The following EFNA5 variants were observed in gnomAD, a reference collection of about 807,000 sequenced individuals.
EFNA5 encodes ephrin-A5.
In EFNA5, 5 loss-of-function variants were observed where a neutral mutation model predicts 22.9. The observed-to-expected ratio is 0.22, with a 90% CI of 0.11 to 0.46. The LOEUF (loss-of-function observed/expected upper bound fraction) is 0.46. Ranked by LOEUF, EFNA5 falls within the 20% of genes least tolerant of loss-of-function variation. The pLI is 0.99. For missense variants in EFNA5, 237 were observed against 293.3 expected, an observed-to-expected ratio of 0.81 and a Z score of 1.40; for synonymous variants, 113 against 112.2, an observed-to-expected ratio of 1.01 and a Z score of -0.04.
intron 2 of EFNA5, among the ~76,000 whole-genome samples, chr5:107,397,969 A>G (rs1427075303): frequency 6.6e-6 from 1 of 152,182 alleles, no homozygotes; most frequent in Non-Finnish European, 1.5e-5. Flanking sequence ...CCCATTCGTC[A>G]TACCACAGAA....
At chr5:107,452,143 A>G (rs770571825) in intron 1 of EFNA5, among the ~76,000 whole-genome samples, 6 of 152,110 alleles carry the variant, frequency 3.9e-5, no homozygotes, top group Non-Finnish European at 5.9e-5. Flanking sequence ...ATTCTCACTC[A>G]TAAGTAGGAG....
At chr5:107,531,543 G>A (rs1204580039) in intron 1 of EFNA5, among the ~76,000 whole-genome samples, 1 of 152,148 alleles carries the variant, frequency 6.6e-6, no homozygotes, top group Admixed American at 6.6e-5. Context: ...CTTTCTCTGT[G>A]CCACCCTAGA....
chr5:107,650,940 T>G (rs1437186311), intron 1 of EFNA5, among the ~76,000 whole-genome samples: 2 of 152,240 alleles, frequency 1.3e-5, no homozygotes, highest in Admixed American at 6.5e-5. Context: ...GTTATACTAG[T>G]TATTTGTAGT....
At chr5:107,547,670 T>C (rs1461257352) in intron 1 of EFNA5, among the ~76,000 whole-genome samples, 2 of 150,444 alleles carry the variant, frequency 1.3e-5, no homozygotes, top group African/African-American at 4.9e-5. Context: ...AGATTATACA[T>C]TTACATGAAG....
At chr5:107,393,680 A>G (rs1463875104) in intron 2 of EFNA5, among the ~76,000 whole-genome samples, 2 of 152,250 alleles carry the variant, frequency 1.3e-5, no homozygotes, top group Non-Finnish European at 2.9e-5. Flanking sequence ...ATTAGCTGTT[A>G]GCACGGCCCA....
chr5:107,564,380 G>C (rs1748615945), intron 1 of EFNA5, among the ~76,000 whole-genome samples: 1 of 152,140 alleles, frequency 6.6e-6, no homozygotes, highest in Non-Finnish European at 1.5e-5. Flanking sequence ...CCAACATGGG[G>C]CTTCCTCTTT....
chr5:107,524,311 G>A (rs1007939135), intron 1 of EFNA5, among the ~76,000 whole-genome samples: 2 of 152,206 alleles, frequency 1.3e-5, no homozygotes, highest in African/African-American at 4.8e-5. Flanking sequence ...TAGGAGCAAT[G>A]AGGGAGGGAT....
chr5:107,410,252 G>A (rs534123897), intron 2 of EFNA5, among the ~76,000 whole-genome samples: 3 of 152,020 alleles, frequency 2.0e-5, no homozygotes, highest in Non-Finnish European at 2.9e-5. Context: ...GGATGGTCTC[G>A]ATCTCCTGAT....
intron 1 of EFNA5, among the ~76,000 whole-genome samples, chr5:107,453,942 TGTGA>T (rs911760402): frequency 2.3e-4 from 23 of 98,014 alleles, no homozygotes; most frequent in South Asian, 1.2e-3. Flanking sequence ...ACTGAAGGAG[TGTGA>T]GTGTGTGTGT....
At chr5:107,636,635 T>A (rs1322111863) in intron 1 of EFNA5, among the ~76,000 whole-genome samples, 4 of 152,242 alleles carry the variant, frequency 2.6e-5, no homozygotes, top group Non-Finnish European at 5.9e-5. Flanking sequence ...ATAGCTAACA[T>A]AACTTGGAAT....
intron 1 of EFNA5, among the ~76,000 whole-genome samples, chr5:107,428,965 A>G (rs558144788): frequency 6.6e-6 from 1 of 152,342 alleles, no homozygotes; most frequent in Admixed American, 6.5e-5. Context: ...TTCTGCAGAC[A>G]TTTGAAAATC....
intron 4 of EFNA5, among the ~76,000 whole-genome samples, chr5:107,383,009 T>C (rs1393852908): frequency 1.3e-5 from 2 of 152,210 alleles, no homozygotes; most frequent in South Asian, 2.1e-4. Flanking sequence ...CACTCGCTAA[T>C]ATTTGTCCTA....
chr5:107,659,369 C>T (rs572723862), intron 1 of EFNA5, among the ~76,000 whole-genome samples: 1 of 152,104 alleles, frequency 6.6e-6, no homozygotes, highest in East Asian at 1.9e-4. Context: ...TACCAGAGAA[C>T]AGGGATGGCG....
chr5:107,417,567 C>T (rs186626023), intron 2 of EFNA5, among the ~76,000 whole-genome samples: 2 of 152,234 alleles, frequency 1.3e-5, no homozygotes, highest in Non-Finnish European at 2.9e-5. Context: ...GATAATGCCT[C>T]GTTCTCTGCA....
intron 1 of EFNA5, among the ~76,000 whole-genome samples, chr5:107,576,595 T>G (rs1025938189): frequency 1.3e-5 from 2 of 152,204 alleles, no homozygotes; most frequent in East Asian, 3.8e-4. Flanking sequence ...AATTTACCCA[T>G]GGAAATAAAG....
rs148571029 is a variant in EFNA5 at position 107,643,871 on chromosome 5, TTAATAATAATAA to T, written c.125+26606_125+26617del. ...TCTTCTTTATAGCTGTCTATTTTCT[TTAATAATAATAA>T]TAATAATAATAATAATAAAGGCAGC... is the stretch of plus-strand genomic sequence containing the variant. On this transcript the variant is annotated intron_variant, in intron 1 of 4. Coordinates refer to ENST00000333274, the MANE Select transcript of EFNA5 (RefSeq NM_001962.3). Among the ~76,000 whole-genome samples, 157 of 146,268 alleles carry T rather than the reference TTAATAATAATAA, an allele frequency of 1.1e-3. 1 individual carries two copies. Among genetic ancestry groups the T allele is most frequent in the African/African-American group, 2.2e-3 (85 of 37,864 alleles).
At chr5:107,627,586 T>A (rs1020006343) in intron 1 of EFNA5, among the ~76,000 whole-genome samples, 3 of 142,360 alleles carry the variant, frequency 2.1e-5, no homozygotes, top group Non-Finnish European at 4.5e-5. Context: ...CTGTGAGCTA[T>A]GATTGTGCCA....
At chr5:107,647,582 G>T (rs1750651941) in intron 1 of EFNA5, among the ~76,000 whole-genome samples, 1 of 152,104 alleles carries the variant, frequency 6.6e-6, no homozygotes, top group African/African-American at 2.4e-5. Flanking sequence ...GTTCAACTTG[G>T]ATTAAGTTAA....
chr5:107,655,983 C>G (rs1032616934), intron 1 of EFNA5, among the ~76,000 whole-genome samples: 1 of 152,124 alleles, frequency 6.6e-6, no homozygotes, highest in Non-Finnish European at 1.5e-5. Flanking sequence ...CTTCTGGCAG[C>G]AGAATTCAGA....
Sources: allele counts gnomAD v4.1 joint callset (sites outside exome capture counted in the v4.1 genomes callset), GRCh38; gene constraint gnomAD v4.1.1; transcripts MANE v1.5; gene names NCBI Gene and HGNC (gene_info 2026-07-23, HGNC 2026-07-21).